NARS2: variants seen among roughly 807,000 people sequenced by gnomAD.
NARS2 encodes the protein asparaginyl-tRNA synthetase.
Under a neutral mutation model 62.9 loss-of-function variants are expected in NARS2, and 60 were observed. The ratio of observed to expected loss-of-function variants is 0.95; its 90% CI spans 0.77 to 1.18. The LOEUF is 1.18. Among genes scored for constraint, NARS2 ranks in the 50% most tolerant of loss-of-function variants. NARS2 has a pLI of 0.00. For missense variants in NARS2, 619 were observed against 576.4 expected, an observed-to-expected ratio of 1.07 and a Z score of -0.76; for synonymous variants, 196 against 200.0, an observed-to-expected ratio of 0.98 and a Z score of 0.17.
intron 5 of NARS2, among the ~76,000 whole-genome samples, chr11:78,548,711 T>C (rs1160081996): frequency 6.6e-6 from 1 of 152,310 alleles, no homozygotes; most frequent in East Asian, 1.9e-4. Context: ...GTGGCTAACC[T>C]GTTTTTCCTC....
chr11:78,497,841 C>T (rs1860125993), intron 6 of NARS2, among the ~76,000 whole-genome samples: 1 of 152,080 alleles, frequency 6.6e-6, no homozygotes, highest in Non-Finnish European at 1.5e-5. Context: ...TGTCAAGATG[C>T]CTTAGGGAGG....
chr11:78,459,012 G>C (rs1207857372), intron 11 of NARS2, among the ~76,000 whole-genome samples: 2 of 151,896 alleles, frequency 1.3e-5, no homozygotes, highest in Non-Finnish European at 2.9e-5. Flanking sequence ...CTGCCTACTG[G>C]GTTCAAGCAA....
Position 78,544,251 on chromosome 11 carries a change from A to G in NARS2, c.594+15288T>C, listed in dbSNP as rs183557413. On this transcript the variant is annotated intron_variant, in intron 5 of 13. Transcript: ENST00000281038. The stretch of plus-strand genomic sequence containing the variant: ...ATTACTCCTTTGCTTATAACTCTCC[A>G]AAGACTCACAGCCAATATTCTTATA... Among the ~76,000 whole-genome samples, 67 of 152,248 alleles carry G rather than the reference A, an allele frequency of 4.4e-4. No individual in the cohort carries two copies. In the East Asian group the frequency reaches 0.012, roughly 27 times the overall value.
intron 11 of NARS2, among the ~76,000 whole-genome samples, chr11:78,457,831 C>A (rs981636865): frequency 8.0e-5 from 12 of 150,452 alleles, no homozygotes; most frequent in Admixed American, 6.7e-4. Context: ...CACACACAAA[C>A]ACACACACAC....
At chr11:78,507,177 G>A (rs1264907281) in intron 6 of NARS2, among the ~76,000 whole-genome samples, 3 of 133,368 alleles carry the variant, frequency 2.2e-5, no homozygotes, top group Non-Finnish European at 1.5e-5. Flanking sequence ...CCCTGCCCCG[G>A]TATTATTTAA....
At chr11:78,460,625 C>T (rs1301391831) in intron 11 of NARS2, among the ~76,000 whole-genome samples, 1 of 152,178 alleles carries the variant, frequency 6.6e-6, no homozygotes, top group African/African-American at 2.4e-5. Flanking sequence ...GAAAGGAAGA[C>T]TTCTGAGATG....
At chr11:78,545,818 G>A (rs4945294) in intron 5 of NARS2, among the ~76,000 whole-genome samples, 98,498 of 151,702 alleles carry the variant, frequency 0.65, 35,116 homozygotes, top group Non-Finnish European at 0.81. Flanking sequence ...GATTACAGGT[G>A]TGAACCACCG....
At chr11:78,571,554 ACAAAT>A in intron 1 of NARS2, 110 bp from the exon 2 acceptor site, 1 of 679,650 alleles carries the variant, frequency 1.5e-6, no homozygotes, top group Non-Finnish European at 2.6e-6. Context: ...TCCTGCCTCA[ACAAAT>A]CAACTTCTTT....
intron 11 of NARS2, among the ~76,000 whole-genome samples, chr11:78,461,745 A>AC (rs1444462631): frequency 4.0e-5 from 6 of 149,606 alleles, no homozygotes; most frequent in Admixed American, 3.3e-4. Flanking sequence ...TCAGTTTGAG[A>AC]CCAGCCTGGG....
intron 6 of NARS2, among the ~76,000 whole-genome samples, chr11:78,499,467 T>G (rs1297231541): frequency 6.6e-6 from 1 of 152,040 alleles, no homozygotes; most frequent in African/African-American, 2.4e-5. Context: ...TGGGATGGGA[T>G]TAAGGGTAGA....
chr11:78,473,801 C>A (rs1247684025), intron 9 of NARS2, among the ~76,000 whole-genome samples: 2 of 152,180 alleles, frequency 1.3e-5, no homozygotes, highest in Non-Finnish European at 1.5e-5. Context: ...TTCTAATTGG[C>A]CCTTTCATTA....
rs1339743773 is a variant in NARS2, at chr11:78,566,007, AAG to A, written c.513+123_513+124del. 3 of 736,000 alleles carry A rather than the reference AAG, an allele frequency of 4.1e-6. No homozygotes were observed. In the African/African-American group the frequency reaches 5.3e-5, roughly 13 times the overall value. The allele number at this position is 736,000 out of a possible 1,614,324, so 45.6% of individuals were successfully genotyped here. ...AGTCAAGAAACCATAACCCATAATGAAGAGACCAATCAAAACTAACCCATAAC... is the reference window on the plus strand; with the variant it reads ...AGTCAAGAAACCATAACCCATAATGAAGACCAATCAAAACTAACCCATAAC... On this transcript the variant is annotated intron_variant, in intron 4 of 13. Transcript: ENST00000281038.
At position 78,465,874 on chromosome 11, in the gene NARS2, A is replaced by G; in HGVS notation, c.1164+2T>C. The stretch of plus-strand genomic sequence containing the variant: ...CCCAATTTATTTAGTATCTCTTCTT[A>G]CCGTGTGCTGAGGGCCATCTTCATT... On this transcript the variant is annotated splice_donor_variant, in intron 11 of 13. Transcript: ENST00000281038. LOFTEE classifies it high-confidence loss of function. 1 of 1,614,114 alleles carries G rather than the reference A, an allele frequency of 6.2e-7. No individual in the cohort carries two copies.
intron 5 of NARS2, among the ~76,000 whole-genome samples, chr11:78,542,092 CT>C (rs1855642998): frequency 6.6e-6 from 1 of 152,166 alleles, no homozygotes. Context: ...AATAATCTTT[CT>C]TAAAATAAGG....
At chr11:78,438,198 T>A (rs1381726564) in intron 13 of NARS2, among the ~76,000 whole-genome samples, 1 of 152,108 alleles carries the variant, frequency 6.6e-6, no homozygotes, top group Non-Finnish European at 1.5e-5. Context: ...AGCACTTATC[T>A]TTTTAAAGGA....
intron 5 of NARS2, among the ~76,000 whole-genome samples, chr11:78,538,086 T>C (rs1165069065): frequency 6.6e-6 from 1 of 152,220 alleles, no homozygotes; most frequent in Non-Finnish European, 1.5e-5. Flanking sequence ...CATTCCTTTG[T>C]CTGGGGTATC....
At chr11:78,497,824 C>A (rs951571484) in intron 6 of NARS2, among the ~76,000 whole-genome samples, 1 of 152,168 alleles carries the variant, frequency 6.6e-6, no homozygotes, top group African/African-American at 2.4e-5. Flanking sequence ...TTTCAACAAT[C>A]ATGTCATGTC....
intron 5 of NARS2, among the ~76,000 whole-genome samples, chr11:78,541,870 T>A (rs1855633449): frequency 6.6e-6 from 1 of 152,164 alleles, no homozygotes; most frequent in Admixed American, 6.5e-5. Context: ...TTAGACTGCA[T>A]CTCATACGTA....
rs370993185 is a variant in NARS2 at position 78,465,487 on chromosome 11, T to C, written c.1164+389A>G. Among the ~76,000 whole-genome samples the C allele has an allele frequency of 4.6e-5, 7 of 152,382 alleles. No individual in the cohort carries two copies. The East Asian group carries it at 1.2e-3, about 25-fold the overall frequency. Reference sequence around the variant, plus strand: ...CTCTCAGTGCCACTGCTCTCATCTCTTGCCCAGTATGCCTTCCCTCCTAGG... The same window carrying C: ...CTCTCAGTGCCACTGCTCTCATCTCCTGCCCAGTATGCCTTCCCTCCTAGG... On this transcript the variant is annotated intron_variant, in intron 11 of 13. Transcript: ENST00000281038.
Sources: gnomAD v4.1 joint callset for allele counts (sites outside exome capture counted in the v4.1 genomes callset) on GRCh38, gnomAD v4.1.1 for gene constraint, MANE v1.5 for transcripts, NCBI Gene and HGNC (gene_info 2026-07-23, HGNC 2026-07-21) for gene names.